NNT: variants seen among roughly 807,000 people sequenced by gnomAD.
NNT encodes the protein nicotinamide nucleotide transhydrogenase.
Under a neutral mutation model 104.8 loss-of-function variants are expected in NNT, and 50 were observed. The observed-to-expected ratio is 0.48, with a 90% CI of 0.38 to 0.60. NNT has a LOEUF of 0.60. Ranked by LOEUF, NNT falls within the 20% of genes least tolerant of loss-of-function variation. NNT has a pLI of 0.00. For synonymous variants in NNT, 461 were observed against 490.4 expected (o/e 0.94, Z 0.79); for missense variants, 1,131 against 1,330.7 (o/e 0.85, Z 2.33).
intron 19 of NNT, among the ~76,000 whole-genome samples, chr5:43,683,545 T>C (rs1035545136): frequency 2.6e-5 from 4 of 152,206 alleles, no homozygotes; most frequent in Admixed American, 1.3e-4. Context: ...ATCAGGGTGA[T>C]TTTTGGCTTC....
chr5:43,668,356 T>C (rs1372690789), intron 17 of NNT, among the ~76,000 whole-genome samples: 2 of 152,080 alleles, frequency 1.3e-5, no homozygotes, highest in Middle Eastern at 3.2e-3. Flanking sequence ...GTCCTTGCCA[T>C]GCCTATGTCC....
At chr5:43,640,451 G>A (rs1215926957) in intron 7 of NNT, among the ~76,000 whole-genome samples, 1 of 152,022 alleles carries the variant, frequency 6.6e-6, no homozygotes, top group Admixed American at 6.6e-5. Flanking sequence ...GTAGGTTGGG[G>A]TTTTTCTAAA....
chr5:43,605,309 G>A (rs1749146926), intron 1 of NNT, among the ~76,000 whole-genome samples: 1 of 151,658 alleles, frequency 6.6e-6, no homozygotes, highest in South Asian at 2.1e-4. Flanking sequence ...GAGGTCAGGA[G>A]ATCGAGACCA....
chr5:43,636,438 A>T (rs907705679), intron 7 of NNT, among the ~76,000 whole-genome samples: 1 of 152,198 alleles, frequency 6.6e-6, no homozygotes, highest in Non-Finnish European at 1.5e-5. Flanking sequence ...TGTTTTTGAT[A>T]TGAATTTGCT....
rs1430834954 is a variant in NNT at position 43,704,644 on chromosome 5, CA to C, written c.*244del. 5.1e-6 allele frequency: 2 copies of C among 394,540 alleles called. No individual in the cohort carries two copies. The highest frequency in any genetic ancestry group is 9.0e-6 in the Non-Finnish European group (2 of 221,772). 24.4% of individuals were successfully genotyped at this position (394,540 alleles called of 1,614,324 possible). A position where few individuals can be genotyped will look rare whatever the true frequency, so the allele number is the denominator to read the frequency against. On this transcript the variant is annotated 3_prime_UTR_variant, in exon 22 of 22. Coordinates refer to ENST00000344920, the MANE Select transcript of NNT (RefSeq NM_182977.3). ...TGTGCATATTTTTTGTGTTAGGAAT[CA>C]AAAGTATTTTATAAAAGGAGAAAGA... is the stretch of plus-strand genomic sequence containing the variant.
rs186134549 is a variant in NNT, at chr5:43,702,539, A to C, written c.2996-82A>C. 8.7e-6 allele frequency: 7 copies of C among 806,780 alleles called. No homozygotes were observed. In the East Asian group the frequency reaches 2.0e-4, roughly 23 times the overall value. The allele number at this position is 806,780 out of a possible 1,614,324, so 50.0% of individuals were successfully genotyped here. A position where few individuals can be genotyped will look rare whatever the true frequency, so the allele number is the denominator to read the frequency against. ...ATTTTTGTTATTGTTATTATAAAGT[A>C]AAGATCACTATAATTTGTCTGAAAA... On this transcript the variant is annotated intron_variant, in intron 20 of 21. Transcript: ENST00000344920.
At chr5:43,660,120 A>G (rs1382808850) in intron 17 of NNT, among the ~76,000 whole-genome samples, 1 of 152,204 alleles carries the variant, frequency 6.6e-6, no homozygotes, top group Non-Finnish European at 1.5e-5. Context: ...ATACATATGA[A>G]GTTGTTTGAT....
At chr5:43,673,186 G>A (rs900436470) in intron 17 of NNT, among the ~76,000 whole-genome samples, 5 of 152,294 alleles carry the variant, frequency 3.3e-5, no homozygotes, top group South Asian at 2.1e-4. Flanking sequence ...CTCCATCACC[G>A]CTTCCCTTGG....
chr5:43,665,428 T>G (rs1315116102), intron 17 of NNT, among the ~76,000 whole-genome samples: 1 of 151,894 alleles, frequency 6.6e-6, no homozygotes, highest in Non-Finnish European at 1.5e-5. Flanking sequence ...TAGGGAGTGG[T>G]GATGACTCTT....
At chr5:43,698,805 AATAT>A (rs1258019896) in intron 19 of NNT, among the ~76,000 whole-genome samples, 2 of 151,542 alleles carry the variant, frequency 1.3e-5, no homozygotes, top group Non-Finnish European at 2.9e-5. Context: ...TTACTATATG[AATAT>A]ATATGCATAC....
At chr5:43,648,023 C>G (rs1739546641) in intron 10 of NNT, 2 of 1,072,974 alleles carry the variant, frequency 1.9e-6, no homozygotes, top group Non-Finnish European at 2.5e-6. Context: ...AGCAGCAGAA[C>G]CAGGATTCAA....
intron 16 of NNT, 99 bp downstream of exon 16, chr5:43,656,912 G>T: frequency 1.7e-6 from 2 of 1,174,684 alleles, no homozygotes; most frequent in South Asian, 3.4e-5. Context: ...CAAGAACCTT[G>T]ATGGAATAAA....
chr5:43,698,863 C>CAT (rs1025776339), intron 19 of NNT, among the ~76,000 whole-genome samples: 3 of 149,842 alleles, frequency 2.0e-5, no homozygotes, highest in Non-Finnish European at 4.4e-5. Context: ...CACACACACA[C>CAT]ATATATATGT....
At chr5:43,675,476 G>A in intron 17 of NNT, 35 bp from the exon 18 acceptor site, 1 of 1,588,994 alleles carries the variant, frequency 6.3e-7, no homozygotes, top group African/African-American at 1.3e-5. Flanking sequence ...AGTTATGTGT[G>A]TTAAACTCTC....
chr5:43,685,973 T>C (rs1372285735), intron 19 of NNT, among the ~76,000 whole-genome samples: 1 of 152,136 alleles, frequency 6.6e-6, no homozygotes, highest in Non-Finnish European at 1.5e-5. Flanking sequence ...TTTGAATTGC[T>C]TCTTCTTCAT....
chr5:43,655,812 T>G (rs1561295238), intron 14 of NNT, 28 bp from the exon 15 acceptor site: 1 of 1,552,082 alleles, frequency 6.4e-7, no homozygotes, highest in Non-Finnish European at 8.9e-7. Context: ...TTGTCAAGTT[T>G]TAATTTATTT....
Position 43,644,819 on chromosome 5 carries a change from A to G in NNT, c.1290+17A>G, listed in dbSNP as rs754933614. The stretch of plus-strand genomic sequence containing the variant: ...GTGATGAAAGTAAGTAAAGAGATCT[A>G]TTCCTTCCTTTGCTTTTAATGTAAA... On this transcript the variant is annotated intron_variant, in intron 9 of 21. Coordinates refer to ENST00000344920, the MANE Select transcript of NNT (RefSeq NM_182977.3). The G allele has an allele frequency of 2.3e-5, 36 of 1,557,596 alleles. No individual in the cohort carries two copies. The Middle Eastern group carries it at 5.1e-4, about 22-fold the overall frequency.
intron 10 of NNT, among the ~76,000 whole-genome samples, chr5:43,646,564 G>C (rs1739455124): frequency 6.6e-6 from 1 of 151,742 alleles, no homozygotes; most frequent in Non-Finnish European, 1.5e-5. Flanking sequence ...CTCCCACAGT[G>C]CTGAGATTAC....
intron 17 of NNT, among the ~76,000 whole-genome samples, chr5:43,675,165 T>G (rs1741344150): frequency 1.3e-5 from 2 of 152,230 alleles, no homozygotes; most frequent in South Asian, 4.1e-4. Flanking sequence ...AGCTGAGAGA[T>G]AAAATTGTTC....
Sources: allele counts gnomAD v4.1 joint callset (sites outside exome capture counted in the v4.1 genomes callset), GRCh38; gene constraint gnomAD v4.1.1; transcripts MANE v1.5; gene names NCBI Gene and HGNC (gene_info 2026-07-23, HGNC 2026-07-21).